The following NAV1 variants were observed in gnomAD, a reference collection of about 807,000 sequenced individuals.
NAV1 encodes the protein pore membrane and/or filament interacting like protein 3.
In NAV1, 18 loss-of-function variants were observed where a neutral mutation model predicts 175.2. The ratio of observed to expected loss-of-function variants is 0.10; its 90% CI spans 0.07 to 0.15. NAV1 has a LOEUF of 0.15. NAV1 is among the 10% of genes least tolerant of loss of function. NAV1 has a pLI of 1.00. For synonymous variants in NAV1, 897 were observed against 978.7 expected (o/e 0.92, Z 1.56); for missense variants, 1,731 against 2,436.6 (o/e 0.71, Z 6.10).
intron 2 of NAV1, among the ~76,000 whole-genome samples, chr1:201,632,390 C>A (rs755307965): frequency 6.6e-6 from 1 of 152,210 alleles, no homozygotes; most frequent in South Asian, 2.1e-4. Context: ...GTACATGTGC[C>A]CTGACCCTCC....
rs980833942 is a variant in NAV1 at position 201,812,733 on chromosome 1, C to T, written c.5221+72C>T. 7.4e-6 allele frequency: 10 copies of T among 1,347,414 alleles called. No individual in the cohort carries two copies. The highest frequency in any genetic ancestry group is 7.2e-5 in the African/African-American group (5 of 69,306). 83.5% of individuals were successfully genotyped at this position (1,347,414 alleles called of 1,614,324 possible). A position where few individuals can be genotyped will look rare whatever the true frequency, so the allele number is the denominator to read the frequency against. On this transcript the variant is annotated intron_variant, in intron 27 of 29. Coordinates refer to ENST00000367296, the Ensembl canonical transcript of NAV1. This position sits in a 1 kb window ranked among gnomAD's most constrained non-coding sequence, Gnocchi z 4.6. ...TTCCACTGTACCACCTGGAGGGATG[C>T]TCCCTTCTCTTCCTGGAGTCTTCGG... is the stretch of plus-strand genomic sequence containing the variant.
At position 201,788,682 on chromosome 1, in the gene NAV1, C is replaced by T. The variant is rs760812559; in HGVS notation, c.3166+44C>T. The T allele has an allele frequency of 6.4e-6, 10 of 1,553,964 alleles. No homozygotes were observed. Among genetic ancestry groups the T allele is most frequent in the Non-Finnish European group, 7.9e-6 (9 of 1,144,668 alleles). ...GCGGTTCACGCTCATTCCAGCTCTG[C>T]TGGGTCCCCTCACCCACCACCTCCA... On this transcript the variant is annotated intron_variant, in intron 10 of 29. Transcript: ENST00000367296. The surrounding 1 kb of genome is among the most constrained non-coding windows in gnomAD (Gnocchi z 5.7).
chr1:201,719,756 A>C (rs1558095726), intron 3 of NAV1: 1 of 152,526 alleles, frequency 6.6e-6, no homozygotes, highest in Non-Finnish European at 1.5e-5. Context: ...GGGCCATACA[A>C]GTAGCAGCAG....
At chr1:201,734,493 G>GGGAAGGAGAAGA (rs1673013140) in intron 3 of NAV1, among the ~76,000 whole-genome samples, 1 of 71,628 alleles carries the variant, frequency 1.4e-5, no homozygotes, top group Non-Finnish European at 2.6e-5. Context: ...GAGGAAGAAG[G>GGGAAGGAGAAGA]AGAAGGAGAA....
chr1:201,798,684 ATTTTCTCTCTCTTTTTTTTTTTT>A (rs1334390605), intron 15 of NAV1: 2 of 122,890 alleles, frequency 1.6e-5, no homozygotes, highest in African/African-American at 6.3e-5. Flanking sequence ...ATTACTGTTC[ATTTTCTCTCTCTTTTTTTTTTTT>A]TTTTTTTTTT....
chr1:201,610,073 C>T (rs867868605), intron 2 of NAV1, among the ~76,000 whole-genome samples: 1 of 152,122 alleles, frequency 6.6e-6, no homozygotes, highest in Non-Finnish European at 1.5e-5. Flanking sequence ...GAAGGGAGGG[C>T]ACCTTCTCTG....
intron 2 of NAV1, among the ~76,000 whole-genome samples, chr1:201,613,138 G>A (rs1667904496): frequency 6.6e-6 from 1 of 152,088 alleles, no homozygotes; most frequent in Admixed American, 6.5e-5. Flanking sequence ...CTCTGAACAG[G>A]TTGCATCTAA....
At position 201,574,484 on chromosome 1, in the gene NAV1, G is replaced by T. The variant is rs574703450; in HGVS notation, c.-143-14055G>T. ...GGATGGGCCACCCAGAGCCTGTGGT[G>T]GTCAGTCCCACCCTGGACCTCAGGT... On this transcript the variant is annotated intron_variant, in intron 1 of 33. Coordinates refer to the NAV1 transcript ENST00000685211. Among the ~76,000 whole-genome samples, 5 of 152,214 alleles carry T rather than the reference G, an allele frequency of 3.3e-5. No homozygotes were observed. In the South Asian group the frequency reaches 1.0e-3, roughly 32 times the overall value.
intron 2 of NAV1, among the ~76,000 whole-genome samples, chr1:201,643,068 C>G (rs1668852115): frequency 6.6e-6 from 1 of 151,672 alleles, no homozygotes; most frequent in African/African-American, 2.4e-5. Context: ...GCCACCGTGC[C>G]TGGCCTCTTT....
At chr1:201,704,315 C>T (rs1327509465) in intron 1 of NAV1, among the ~76,000 whole-genome samples, 1 of 152,216 alleles carries the variant, frequency 6.6e-6, no homozygotes, top group Non-Finnish European at 1.5e-5. Context: ...CTGAGCGAGA[C>T]GCTGTCCACC....
intron 24 of NAV1, 85 bp from the exon 29 acceptor site, chr1:201,811,518 G>A: frequency 6.5e-7 from 1 of 1,540,460 alleles, no homozygotes; most frequent in East Asian, 2.2e-5. Flanking sequence ...TCTAGATCTA[G>A]TAAGACTTCT....
chr1:201,697,944 T>C (rs1671256886), intron 1 of NAV1, among the ~76,000 whole-genome samples: 1 of 152,210 alleles, frequency 6.6e-6, no homozygotes, highest in Admixed American at 6.5e-5. Context: ...TTTCATTTTA[T>C]AGGTGAGAGA....
intron 1 of NAV1, among the ~76,000 whole-genome samples, chr1:201,702,181 C>T (rs768532880): frequency 6.6e-6 from 1 of 152,122 alleles, no homozygotes; most frequent in South Asian, 2.1e-4. Context: ...AATAGGCAAA[C>T]TCACAGAGAC....
At chr1:201,771,635 T>G (rs977691697) in intron 3 of NAV1, among the ~76,000 whole-genome samples, 2 of 152,054 alleles carry the variant, frequency 1.3e-5, no homozygotes, top group Middle Eastern at 3.5e-3. Flanking sequence ...TTTCTGGATA[T>G]ACCTATTGCC....
intron 3 of NAV1, among the ~76,000 whole-genome samples, chr1:201,767,036 G>A (rs537841594): frequency 1.3e-5 from 2 of 151,680 alleles, no homozygotes; most frequent in Admixed American, 1.3e-4. Flanking sequence ...TGGCCAGGAT[G>A]GTCTCATCTC....
At chr1:201,630,692 T>G (rs1359736873) in intron 2 of NAV1, among the ~76,000 whole-genome samples, 1 of 152,182 alleles carries the variant, frequency 6.6e-6, no homozygotes, top group Non-Finnish European at 1.5e-5. Flanking sequence ...GCAAGCCATC[T>G]CCTTCCACAA....
At chr1:201,713,050 T>C in intron 2 of NAV1, 131 bp downstream of exon 6, 1 of 640,132 alleles carries the variant, frequency 1.6e-6, no homozygotes, top group African/African-American at 1.8e-5. Flanking sequence ...GTGGAGCCAC[T>C]GCAGAAGGAG....
At chr1:201,805,317 C>G (rs1482779662) in intron 17 of NAV1, among the ~76,000 whole-genome samples, 3 of 152,118 alleles carry the variant, frequency 2.0e-5, no homozygotes, top group African/African-American at 7.2e-5. Flanking sequence ...GCAGTAAGTG[C>G]TAAAGGAGTT....
At chr1:201,816,346 G>A (rs1342196158) in intron 28 of NAV1, among the ~76,000 whole-genome samples, 1 of 152,076 alleles carries the variant, frequency 6.6e-6, no homozygotes, top group African/African-American at 2.4e-5. Context: ...ACTCCAGCCT[G>A]GGCAACAAGA....
Sources: gnomAD v4.1 joint callset for allele counts (sites outside exome capture counted in the v4.1 genomes callset) on GRCh38, gnomAD v4.1.1 for gene constraint, Gnocchi (gnomAD v3.1) non-coding constraint, MANE v1.5 for transcripts, NCBI Gene and HGNC (gene_info 2026-07-23, HGNC 2026-07-21) for gene names.